Variants in GRIK1 observed in about 807,000 individuals in gnomAD.
GRIK1 encodes glutamate ionotropic receptor kainate type subunit 1, also known as glutamate receptor ionotropic, kainate 1.
A neutral mutation model predicts 105.7 loss-of-function variants in GRIK1; 69 were observed. The observed-to-expected ratio is 0.65, with a 90% CI of 0.54 to 0.80. The LOEUF (loss-of-function observed/expected upper bound fraction) is 0.80, where lower values mean the gene tolerates loss of function less well. Among genes scored for constraint, GRIK1 ranks in the 30% least tolerant of loss-of-function variants. The pLI is 0.00. For missense variants in GRIK1, 1,109 were observed against 1,167.3 expected, an observed-to-expected ratio of 0.95 and a Z score of 0.73; for synonymous variants, 438 against 431.3, an observed-to-expected ratio of 1.02 and a Z score of -0.19.
intron 3 of GRIK1, among the ~76,000 whole-genome samples, chr21:29,686,712 C>T (rs2063492910): frequency 6.6e-6 from 1 of 152,198 alleles, no homozygotes; most frequent in South Asian, 2.1e-4. Context: ...GCCATAAAGC[C>T]TCAGCACTTG....
intron 1 of GRIK1, among the ~76,000 whole-genome samples, chr21:29,802,573 T>C (rs76111754): frequency 0.043 from 6,502 of 152,260 alleles, 199 homozygotes; most frequent in Non-Finnish European, 0.066. Context: ...TCCAAATTGA[T>C]TCACTGTGCA....
intron 1 of GRIK1, among the ~76,000 whole-genome samples, chr21:29,892,751 C>T (rs1458994431): frequency 2.6e-5 from 4 of 152,200 alleles, no homozygotes; most frequent in Non-Finnish European, 5.9e-5. Flanking sequence ...GACAGAAGCT[C>T]TTCCTTTTTC....
At chr21:29,624,078 T>C (rs1303821462) in intron 7 of GRIK1, among the ~76,000 whole-genome samples, 1 of 152,222 alleles carries the variant, frequency 6.6e-6, no homozygotes, top group Non-Finnish European at 1.5e-5. Flanking sequence ...AGGTTCAAAA[T>C]TAAGTGAACA....
chr21:29,740,107 C>T (rs1303488866), intron 1 of GRIK1, among the ~76,000 whole-genome samples: 4 of 152,116 alleles, frequency 2.6e-5, no homozygotes, highest in African/African-American at 4.8e-5. Context: ...TATTAGTACA[C>T]GATTCATCAA....
At chr21:29,706,509 T>G (rs1343792668) in intron 1 of GRIK1, among the ~76,000 whole-genome samples, 2 of 152,226 alleles carry the variant, frequency 1.3e-5, no homozygotes, top group Non-Finnish European at 2.9e-5. Flanking sequence ...GCTCTCAGTT[T>G]CATTCTAAGA....
intron 3 of GRIK1, among the ~76,000 whole-genome samples, chr21:29,688,481 A>C (rs1166986408): frequency 2.0e-5 from 3 of 152,174 alleles, no homozygotes; most frequent in African/African-American, 7.2e-5. Context: ...CTTATTACAA[A>C]ATGTGTAGAT....
chr21:29,593,538 G>A (rs1240907131), intron 9 of GRIK1, among the ~76,000 whole-genome samples: 1 of 152,162 alleles, frequency 6.6e-6, no homozygotes, highest in Non-Finnish European at 1.5e-5. Context: ...CTGTGCTTTA[G>A]GTTGTGAACA....
chr21:29,573,011 G>C (rs551849243), intron 14 of GRIK1, among the ~76,000 whole-genome samples: 5 of 152,256 alleles, frequency 3.3e-5, no homozygotes, highest in Admixed American at 3.3e-4. Flanking sequence ...GACCTCAGGT[G>C]ATCCACCAGC....
At chr21:29,918,545 T>G (rs1438792434) in intron 1 of GRIK1, among the ~76,000 whole-genome samples, 1 of 152,116 alleles carries the variant, frequency 6.6e-6, no homozygotes, top group African/African-American at 2.4e-5. Context: ...TTATCTAAAT[T>G]GAAAATCTTT....
At chr21:29,804,049 T>G (rs1191610508) in intron 1 of GRIK1, among the ~76,000 whole-genome samples, 4 of 152,140 alleles carry the variant, frequency 2.6e-5, no homozygotes, top group African/African-American at 9.7e-5. Flanking sequence ...GGTTGGAGGA[T>G]GGACAGAAGC....
chr21:29,708,759 A>G (rs1478985598), intron 1 of GRIK1, among the ~76,000 whole-genome samples: 1 of 152,174 alleles, frequency 6.6e-6, no homozygotes, highest in East Asian at 1.9e-4. Context: ...TTCAGCAAAA[A>G]TCCATCTTTT....
At chr21:29,729,138 T>C (rs1330912381) in intron 1 of GRIK1, among the ~76,000 whole-genome samples, 2 of 152,184 alleles carry the variant, frequency 1.3e-5, no homozygotes, top group Non-Finnish European at 2.9e-5. Flanking sequence ...TGACTCATAA[T>C]GTGTTGGAAA....
chr21:29,637,210 T>G (rs2062414073), intron 7 of GRIK1, among the ~76,000 whole-genome samples: 1 of 152,194 alleles, frequency 6.6e-6, no homozygotes, highest in Non-Finnish European at 1.5e-5. Flanking sequence ...TAACGTAAGA[T>G]CTCTGATTCC....
intron 1 of GRIK1, among the ~76,000 whole-genome samples, chr21:29,710,599 A>G (rs1347906147): frequency 7.0e-6 from 1 of 142,432 alleles, no homozygotes; most frequent in Non-Finnish European, 1.6e-5. Context: ...CACAATTTTA[A>G]TTATTATTTA....
intron 7 of GRIK1, among the ~76,000 whole-genome samples, chr21:29,614,135 T>C (rs938481824): frequency 1.3e-5 from 2 of 152,134 alleles, no homozygotes; most frequent in Non-Finnish European, 2.9e-5. Flanking sequence ...AGCCTGGTGA[T>C]AGATTCCCTG....
intron 15 of GRIK1, among the ~76,000 whole-genome samples, chr21:29,560,344 TTTC>T (rs2090381350): frequency 9.1e-6 from 1 of 110,160 alleles, no homozygotes; most frequent in Non-Finnish European, 1.9e-5. Context: ...TCTTTCTTTC[TTTC>T]TTTCTTTCTT....
intron 1 of GRIK1, among the ~76,000 whole-genome samples, chr21:29,697,025 A>G (rs1292138996): frequency 6.6e-6 from 1 of 151,432 alleles, no homozygotes. Flanking sequence ...GAAAAAGTGA[A>G]CAAGAAGATT....
chr21:29,625,749 A>G (rs1052278829), intron 7 of GRIK1, among the ~76,000 whole-genome samples: 46 of 152,152 alleles, frequency 3.0e-4, no homozygotes, highest in Admixed American at 2.7e-3. Context: ...CTCTTGTCTT[A>G]TTAGTACAAT....
At position 29,923,344 on chromosome 21, in the gene GRIK1, T is replaced by C. The variant is rs368845140; in HGVS notation, c.118+16039A>G. On this transcript the variant is annotated intron_variant, in intron 1 of 17. Transcript: ENST00000327783. ...CTAATGTACCACATTCATATTAATG[T>C]TTGAAAGAGAGAAAACTAGAGAAAC... Among the ~76,000 whole-genome samples the C allele has an allele frequency of 1.3e-4, 20 of 152,324 alleles. No homozygotes were observed. In the East Asian group the frequency reaches 1.7e-3, roughly 13 times the overall value.
Sources: gnomAD v4.1 joint callset for allele counts (sites outside exome capture counted in the v4.1 genomes callset) on GRCh38, gnomAD v4.1.1 for gene constraint, MANE v1.5 for transcripts, NCBI Gene and HGNC (gene_info 2026-07-23, HGNC 2026-07-21) for gene names.